Variants in ITGAE observed in about 807,000 individuals in gnomAD.
ITGAE encodes integrin alpha-E.
In ITGAE, 99 loss-of-function variants were observed where a neutral mutation model predicts 136.5. The observed-to-expected ratio is 0.73, with a 90% CI of 0.62 to 0.86. ITGAE has a LOEUF of 0.86. ITGAE is among the 40% of genes least tolerant of loss of function. The pLI, the probability that ITGAE is intolerant of heterozygous loss-of-function variation, is 0.00. For missense variants in ITGAE, 1,447 were observed against 1,515.3 expected, an observed-to-expected ratio of 0.95 and a Z score of 0.75; for synonymous variants, 613 against 591.8, an observed-to-expected ratio of 1.04 and a Z score of -0.52.
Position 3,720,345 on chromosome 17 carries a change from G to C in ITGAE, c.3295C>G (p.Leu1099Val). Residue 1099 changes from leucine to valine, a missense_variant, in exon 29 of 31, where the codon CTA becomes GTA. Around this residue, in one of 3 missense-constraint regions of ITGAE, gnomAD observed 1,031 missense variants for 1,011.4 expected, o/e 1.02. Coordinates refer to ENST00000263087, the MANE Select transcript of ITGAE (RefSeq NM_002208.5). The part of the protein sequence containing the change: ...ILGEISFNKS[L>V]YEGLNAENHR... ...TTCTCTGCATTCAGTCCCTCATATA[G>C]AGATTTGTTGAAAGATATTTCACCA... The C allele has an allele frequency of 6.3e-7, 1 of 1,592,194 alleles. No individual in the cohort carries two copies. Among genetic ancestry groups the C allele is most frequent in the South Asian group, 1.1e-5 (1 of 90,554 alleles).
At chr17:3,757,668 G>A (rs757056506) in intron 9 of ITGAE, 38 bp downstream of exon 9, 2 of 1,607,528 alleles carry the variant, frequency 1.2e-6, no homozygotes, top group South Asian at 1.1e-5. Flanking sequence ...CCCAGGCTGT[G>A]CAGGTTCAGG....
At chr17:3,750,783 AC>A (rs2143019250) in intron 15 of ITGAE, among the ~76,000 whole-genome samples, 1 of 152,188 alleles carries the variant, frequency 6.6e-6, no homozygotes, top group Non-Finnish European at 1.5e-5. Context: ...GGATTGGGGT[AC>A]AAGGAGGCTT....
Position 3,755,817 on chromosome 17 carries a change from G to C in ITGAE, c.1239+13C>G. ...AATGGGCAAGCCTGCCTGGTGCTGA[G>C]TCAGCCACGTACCTCATCCAGGATC... On this transcript the variant is annotated intron_variant, in intron 11 of 30. Transcript: ENST00000263087. 6.3e-7 allele frequency: 1 copy of C among 1,582,720 alleles called. No homozygotes were observed. The highest frequency in any genetic ancestry group is 8.6e-7 in the Non-Finnish European group (1 of 1,164,774).
At chr17:3,760,408 G>A (rs769185541) in intron 6 of ITGAE, 121 bp from the exon 7 acceptor site, 2 of 260,848 alleles carry the variant, frequency 7.7e-6, no homozygotes, top group Non-Finnish European at 1.5e-5. Context: ...GGAAGAAGTT[G>A]GAGAAGCTCC....
chr17:3,721,309 T>A (rs2859705), intron 28 of ITGAE, among the ~76,000 whole-genome samples: 16,187 of 135,482 alleles, frequency 0.12, 3,862 homozygotes, highest in African/African-American at 0.45. Flanking sequence ...TCTCACTCTG[T>A]TACTCGGGCC....
intron 1 of ITGAE, among the ~76,000 whole-genome samples, chr17:3,791,010 C>A (rs2052924120): frequency 6.6e-6 from 1 of 151,784 alleles, no homozygotes; most frequent in Non-Finnish European, 1.5e-5. Flanking sequence ...AAAAAATTAG[C>A]CAGGCGTGGT....
At chr17:3,743,816 C>A (rs2051648075) in intron 18 of ITGAE, among the ~76,000 whole-genome samples, 199 bp from the exon 19 acceptor site, 1 of 147,900 alleles carries the variant, frequency 6.8e-6, no homozygotes, top group African/African-American at 2.5e-5. Context: ...GATTCTCCTA[C>A]CTCAGCCGCC....
intron 19 of ITGAE, among the ~76,000 whole-genome samples, chr17:3,741,078 T>C (rs1682571052): frequency 7.5e-6 from 1 of 133,968 alleles, no homozygotes; most frequent in African/African-American, 2.8e-5. Context: ...GTATTTTTTT[T>C]TTTTTTTTTT....
chr17:3,797,900 A>G (rs1452449771), intron 1 of ITGAE, among the ~76,000 whole-genome samples: 1 of 152,052 alleles, frequency 6.6e-6, no homozygotes, highest in Non-Finnish European at 1.5e-5. Context: ...AACACACAAC[A>G]TACAATTCTG....
Position 3,751,715 on chromosome 17 carries a change from C to T in ITGAE, c.1828G>A (p.Ala610Thr), listed in dbSNP as rs1329335703. 26 of 1,614,046 alleles carry T rather than the reference C, an allele frequency of 1.6e-5. No individual in the cohort carries two copies. Among genetic ancestry groups the T allele is most frequent in the Non-Finnish European group, 2.2e-5 (26 of 1,179,974 alleles). Residue 610 changes from alanine to threonine, a missense_variant, in exon 15 of 31, where the codon GCC (alanine) becomes ACC (threonine). Around this residue, in one of 3 missense-constraint regions of ITGAE, gnomAD observed 1,031 missense variants for 1,011.4 expected, o/e 1.02. Coordinates refer to ENST00000263087, the MANE Select transcript of ITGAE (RefSeq NM_002208.5). Reference protein sequence around the residue: ...PLEGFGADDGASFGSVYIYNG... With the variant: ...PLEGFGADDGTSFGSVYIYNG... ...TAGATATACACACTGCCGAAGCTGG[C>T]ACCATCATCTGCCCCAAAACCTTCC... is the stretch of plus-strand genomic sequence containing the variant.
intron 28 of ITGAE, among the ~76,000 whole-genome samples, chr17:3,722,755 G>A (rs1326693971): frequency 6.6e-6 from 1 of 152,210 alleles, no homozygotes; most frequent in Non-Finnish European, 1.5e-5. Flanking sequence ...CATGAAAAAA[G>A]TATGGATTTT....
intron 26 of ITGAE, chr17:3,724,875 C>G (rs767071303): frequency 6.2e-7 from 1 of 1,613,816 alleles, no homozygotes; most frequent in Non-Finnish European, 8.5e-7. Flanking sequence ...GAGAGAGCAT[C>G]AGGAGGCCAG....
intron 1 of ITGAE, among the ~76,000 whole-genome samples, chr17:3,787,649 G>T (rs987493673): frequency 6.6e-6 from 1 of 151,770 alleles, no homozygotes; most frequent in Non-Finnish European, 1.5e-5. Flanking sequence ...ATCCTGTTAA[G>T]CATATGTTCA....
chr17:3,773,176 C>T (rs143452754), intron 2 of ITGAE, among the ~76,000 whole-genome samples: 8 of 152,220 alleles, frequency 5.3e-5, no homozygotes, highest in Admixed American at 1.3e-4. Flanking sequence ...AAGCACTTAC[C>T]GACATTTACT....
At chr17:3,784,283 AAT>A in intron 1 of ITGAE, 1 of 351,096 alleles carries the variant, frequency 2.8e-6, no homozygotes, top group Non-Finnish European at 5.4e-6. Flanking sequence ...AAAATAAAAA[AAT>A]AAAAATAAAA....
rs1184416806 is a variant in ITGAE at position 3,799,066 on chromosome 17, A to G, written c.34+2045T>C. 6.6e-6 allele frequency among the ~76,000 whole-genome samples: 1 copy of G among 152,028 alleles called. No individual in the cohort carries two copies. The highest frequency in any genetic ancestry group is 1.5e-5 in the Non-Finnish European group (1 of 67,984). On this transcript the variant is annotated intron_variant, in intron 1 of 30. Transcript: ENST00000263087. This position sits in a 1 kb window ranked among gnomAD's most constrained non-coding sequence, Gnocchi z 4.1. Reference sequence around the variant, plus strand: ...ATTCTCTCCAGCCTAAGGAGGCCCAACCCGGCACAGGGTACAGGGTGCTGG... The same window carrying G: ...ATTCTCTCCAGCCTAAGGAGGCCCAGCCCGGCACAGGGTACAGGGTGCTGG...
At chr17:3,731,375 T>G (rs1360233416) in intron 22 of ITGAE, among the ~76,000 whole-genome samples, 192 bp from the exon 23 acceptor site, 1 of 146,004 alleles carries the variant, frequency 6.8e-6, no homozygotes, top group Non-Finnish European at 1.5e-5. Flanking sequence ...GGAGTCTCGC[T>G]CTGTCACCCA....
chr17:3,776,838 C>T (rs1020163872), intron 2 of ITGAE, among the ~76,000 whole-genome samples: 3 of 152,150 alleles, frequency 2.0e-5, no homozygotes, highest in South Asian at 2.1e-4. Context: ...AGATTACAGG[C>T]GTGAGCCACG....
chr17:3,774,714 G>A (rs1167539641), intron 2 of ITGAE, among the ~76,000 whole-genome samples: 1 of 152,130 alleles, frequency 6.6e-6, no homozygotes, highest in Non-Finnish European at 1.5e-5. Flanking sequence ...GCAGTGAGCT[G>A]AGATTACACC....
Sources: gnomAD v4.1 joint callset for allele counts (sites outside exome capture counted in the v4.1 genomes callset) on GRCh38, gnomAD v4.1.1 for gene constraint, gnomAD v4.1.1 regional missense constraint, Gnocchi (gnomAD v3.1) non-coding constraint, MANE v1.5 for transcripts, NCBI Gene and HGNC (gene_info 2026-07-23, HGNC 2026-07-21) for gene names.